Variants in RABGEF1 observed in about 807,000 individuals in gnomAD.
RABGEF1 encodes the protein rab5 GDP/GTP exchange factor.
Under a neutral mutation model 57.3 loss-of-function variants are expected in RABGEF1, and 26 were observed. The ratio of observed to expected loss-of-function variants is 0.45; its 90% CI spans 0.33 to 0.63. RABGEF1 has a LOEUF of 0.63. Ranked by LOEUF, RABGEF1 falls within the 20% of genes least tolerant of loss-of-function variation. The pLI is 0.02. For missense variants in RABGEF1, 464 were observed against 607.6 expected (o/e 0.76, Z 2.48); for synonymous variants, 185 against 210.7 (o/e 0.88, Z 1.06).
chr7:66,758,022 TTTTA>T (rs1803223696), intron 1 of RABGEF1, among the ~76,000 whole-genome samples: 1 of 152,060 alleles, frequency 6.6e-6, no homozygotes, highest in Non-Finnish European at 1.5e-5. Flanking sequence ...CACCCGTAAG[TTTTA>T]TTTCTTAACT....
chr7:66,770,791 GT>G (rs201695839), intron 1 of RABGEF1, among the ~76,000 whole-genome samples: 1 of 151,190 alleles, frequency 6.6e-6, no homozygotes, highest in East Asian at 1.9e-4. Context: ...GCCTGGGTTT[GT>G]TTTTTTTTAC....
intron 1 of RABGEF1, among the ~76,000 whole-genome samples, chr7:66,700,489 G>GAGGGGGAGGAGGGTAGTTGGGGGC (rs1793080181): frequency 6.6e-6 from 1 of 151,970 alleles, no homozygotes; most frequent in Non-Finnish European, 1.5e-5. Flanking sequence ...GCGGGCCCCG[G>GAGGGGGAGGAGGGTAGTTGGGGGC]AGGGGGAGGT....
At chr7:66,808,228 T>C (rs1415533476) in intron 8 of RABGEF1, among the ~76,000 whole-genome samples, 1 of 151,910 alleles carries the variant, frequency 6.6e-6, no homozygotes, top group Non-Finnish European at 1.5e-5. Flanking sequence ...CTTTTTTTTT[T>C]TTTTCCTGAG....
the RABGEF1 span, among the ~76,000 whole-genome samples, chr7:66,673,257 G>A: frequency 1.3e-5 from 2 of 150,362 alleles, no homozygotes; most frequent in African/African-American, 4.9e-5. Flanking sequence ...AGGGCATTTC[G>A]TAGGGTGCAT....
intron 8 of RABGEF1, among the ~76,000 whole-genome samples, chr7:66,808,646 A>G (rs1427259187): frequency 3.9e-5 from 6 of 152,180 alleles, no homozygotes; most frequent in Admixed American, 6.5e-5. Context: ...GAATGGCTTC[A>G]TGGTGCACCT....
the RABGEF1 span, among the ~76,000 whole-genome samples, chr7:66,664,430 T>G: frequency 6.7e-6 from 1 of 148,518 alleles, no homozygotes; most frequent in Non-Finnish European, 1.5e-5. Context: ...AGTTTTTTGT[T>G]TTTTTTTTTT....
intron 1 of RABGEF1, among the ~76,000 whole-genome samples, chr7:66,741,325 G>C: frequency 6.6e-6 from 1 of 152,234 alleles, no homozygotes; most frequent in Non-Finnish European, 1.5e-5. Flanking sequence ...GAGTTGGGAG[G>C]GGATTTGAAG....
chr7:66,789,120 T>G (rs1811944344), intron 4 of RABGEF1, among the ~76,000 whole-genome samples: 1 of 152,202 alleles, frequency 6.6e-6, no homozygotes, highest in Non-Finnish European at 1.5e-5. Context: ...CTCCTATACC[T>G]TAAAATGACT....
chr7:66,670,209 G>A, the RABGEF1 span, among the ~76,000 whole-genome samples: 36 of 152,006 alleles, frequency 2.4e-4, no homozygotes, highest in Non-Finnish European at 4.3e-4. Flanking sequence ...TTTTCCCCTG[G>A]AATCTGTGTG....
chr7:66,669,499 G>A, the RABGEF1 span, among the ~76,000 whole-genome samples: 1 of 152,208 alleles, frequency 6.6e-6, no homozygotes, highest in African/African-American at 2.4e-5. Flanking sequence ...CAAGAAGGTG[G>A]TGGGGACCTC....
intron 3 of RABGEF1, 105 bp from the exon 4 acceptor site, chr7:66,783,570 C>A: frequency 1.9e-6 from 2 of 1,045,570 alleles, no homozygotes; most frequent in African/African-American, 1.6e-5. Context: ...TCAAGTTTAA[C>A]TTTGATGAAA....
At chr7:66,669,513 C>T in the RABGEF1 span, among the ~76,000 whole-genome samples, 1,030 of 152,310 alleles carry the variant, frequency 6.8e-3, 11 homozygotes, top group African/African-American at 0.021. Context: ...GGACCTCTGG[C>T]TTGTGGATTT....
rs573804995 is a variant in RABGEF1, at chr7:66,770,658, G to A, written c.-17-1225G>A. On this transcript the variant is annotated intron_variant, in intron 1 of 8. Transcript: ENST00000284957. ...ACCATCACTCCCAGCTAGTTGTTGT[G>A]TTTTTTGTAGAGATGGGATCTTGCT... Among the ~76,000 whole-genome samples, 49 of 152,090 alleles carry A rather than the reference G, an allele frequency of 3.2e-4. No homozygotes were observed. In the South Asian group the frequency reaches 7.1e-3, roughly 22 times the overall value.
At chr7:66,655,616 C>T in the RABGEF1 span, among the ~76,000 whole-genome samples, 3 of 152,156 alleles carry the variant, frequency 2.0e-5, no homozygotes, top group Non-Finnish European at 4.4e-5. Flanking sequence ...GCGATCCTCC[C>T]GCCTCGGCCT....
chr7:66,765,809 C>G (rs1345323369), intron 1 of RABGEF1, among the ~76,000 whole-genome samples: 1 of 152,120 alleles, frequency 6.6e-6, no homozygotes, highest in Non-Finnish European at 1.5e-5. Flanking sequence ...GACCATTCAC[C>G]TTATACAAAT....
chr7:66,716,688 T>C (rs1377611465), intron 2 of RABGEF1, among the ~76,000 whole-genome samples: 1 of 152,202 alleles, frequency 6.6e-6, no homozygotes, highest in Non-Finnish European at 1.5e-5. Context: ...CATTGTCTTT[T>C]AGTTGGTGTG....
At chr7:66,674,145 C>T in the RABGEF1 span, among the ~76,000 whole-genome samples, 22 of 151,858 alleles carry the variant, frequency 1.4e-4, no homozygotes, top group African/African-American at 5.1e-4. Context: ...AACTATTCTA[C>T]GCCTAGTACT....
At chr7:66,735,290 A>G (rs150100556) in intron 2 of RABGEF1, among the ~76,000 whole-genome samples, 181 of 152,302 alleles carry the variant, frequency 1.2e-3, no homozygotes, top group Non-Finnish European at 2.1e-3. Context: ...AACCGTGTGT[A>G]TCCCTGATCT....
intron 2 of RABGEF1, among the ~76,000 whole-genome samples, chr7:66,728,527 GC>G (rs1251429986): frequency 7.4e-6 from 1 of 134,584 alleles, no homozygotes; most frequent in Non-Finnish European, 1.5e-5. Flanking sequence ...TTTCACCATT[GC>G]CATCACCAGT....
Sources: gnomAD v4.1 joint callset for allele counts (sites outside exome capture counted in the v4.1 genomes callset) on GRCh38, gnomAD v4.1.1 for gene constraint, MANE v1.5 for transcripts, NCBI Gene and HGNC (gene_info 2026-07-23, HGNC 2026-07-21) for gene names.